Variants in MAGI1 observed in about 807,000 individuals in gnomAD.
The protein encoded by MAGI1 is membrane-associated guanylate kinase, WW and PDZ domain-containing protein 1.
Under a neutral mutation model 139.9 loss-of-function variants are expected in MAGI1, and 58 were observed. That is an observed-to-expected ratio of 0.41 (90% CI 0.34 to 0.52). The LOEUF is 0.52. MAGI1 is among the 20% of genes least tolerant of loss of function. The pLI, the probability that MAGI1 is intolerant of heterozygous loss-of-function variation, is 0.12. For synonymous variants in MAGI1, 812 were observed against 737.9 expected, an observed-to-expected ratio of 1.10 and a Z score of -1.63; for missense variants, 1,874 against 1,901.6, an observed-to-expected ratio of 0.99 and a Z score of 0.27.
chr3:65,484,698 G>A (rs926525525), intron 3 of MAGI1, among the ~76,000 whole-genome samples: 11 of 151,664 alleles, frequency 7.3e-5, no homozygotes, highest in Non-Finnish European at 1.5e-4. Flanking sequence ...CATGTAAACT[G>A]TGCCCCCTTC....
intron 1 of MAGI1, among the ~76,000 whole-genome samples, chr3:66,035,404 G>T (rs867287574): frequency 6.6e-6 from 1 of 152,196 alleles, no homozygotes; most frequent in East Asian, 1.9e-4. Context: ...TACCAAGTAT[G>T]AGCCTGCTTG....
chr3:66,016,450 G>A (rs1005650603), intron 1 of MAGI1, among the ~76,000 whole-genome samples: 2 of 152,108 alleles, frequency 1.3e-5, no homozygotes, highest in Non-Finnish European at 2.9e-5. Flanking sequence ...TGGAAGGGTC[G>A]ACTGGGTCAA....
chr3:65,702,845 C>A (rs9311952), intron 1 of MAGI1, among the ~76,000 whole-genome samples: 122,673 of 151,850 alleles, frequency 0.81, 49,689 homozygotes, highest in South Asian at 0.84. Context: ...ACACTTATCA[C>A]ATAAATAAAT....
At chr3:65,424,541 C>T (rs1946867514) in intron 12 of MAGI1, among the ~76,000 whole-genome samples, 1 of 152,144 alleles carries the variant, frequency 6.6e-6, no homozygotes, top group South Asian at 2.1e-4. Context: ...AGGACAATTT[C>T]ACTTCCATTA....
chr3:65,517,408 A>G (rs1361019970), intron 2 of MAGI1, among the ~76,000 whole-genome samples: 1 of 152,178 alleles, frequency 6.6e-6, no homozygotes, highest in Non-Finnish European at 1.5e-5. Context: ...CACAGCACAT[A>G]TCAACATCTC....
At chr3:65,948,299 G>C (rs1247583371) in intron 1 of MAGI1, among the ~76,000 whole-genome samples, 1 of 152,104 alleles carries the variant, frequency 6.6e-6, no homozygotes, top group East Asian at 1.9e-4. Context: ...CTCTGCCCTG[G>C]AATATTATAA....
intron 12 of MAGI1, among the ~76,000 whole-genome samples, chr3:65,412,732 A>G (rs1331627603): frequency 2.6e-5 from 4 of 152,022 alleles, no homozygotes; most frequent in Admixed American, 6.6e-5. Flanking sequence ...ACAGCTCTTG[A>G]TCCTTGGTCT....
At chr3:65,868,823 T>C (rs193299710) in intron 1 of MAGI1, among the ~76,000 whole-genome samples, 1 of 152,288 alleles carries the variant, frequency 6.6e-6, no homozygotes, top group African/African-American at 2.4e-5. Flanking sequence ...TTCAATACTT[T>C]GCATATTTTT....
chr3:65,524,144 A>C (rs1004885006), intron 2 of MAGI1, among the ~76,000 whole-genome samples: 3 of 152,188 alleles, frequency 2.0e-5, no homozygotes, highest in Admixed American at 1.3e-4. Flanking sequence ...GGTCTTTGGG[A>C]AAGTTTTGAC....
chr3:65,540,984 C>T (rs1196739209), intron 2 of MAGI1, among the ~76,000 whole-genome samples: 4 of 152,014 alleles, frequency 2.6e-5, no homozygotes, highest in Admixed American at 6.6e-5. Flanking sequence ...GTATCAAAAA[C>T]AATTTTTAAA....
chr3:65,558,629 A>G (rs2080199042), intron 2 of MAGI1, among the ~76,000 whole-genome samples: 1 of 152,212 alleles, frequency 6.6e-6, no homozygotes, highest in African/African-American at 2.4e-5. Context: ...CATGAGTTTT[A>G]GCCAACACTT....
intron 1 of MAGI1, among the ~76,000 whole-genome samples, chr3:65,742,775 C>CT (rs1190086021): frequency 1.3e-5 from 2 of 152,164 alleles, no homozygotes; most frequent in Middle Eastern, 3.2e-3. Flanking sequence ...AGCTGGTAAC[C>CT]TTCTCTTTCC....
At chr3:65,358,171 A>G (rs957678829) in intron 22 of MAGI1, among the ~76,000 whole-genome samples, 6 of 152,164 alleles carry the variant, frequency 3.9e-5, no homozygotes, top group Admixed American at 6.5e-5. Context: ...TCATTATTCA[A>G]TATTTGAAAT....
At chr3:65,970,471 A>G (rs13326772) in intron 1 of MAGI1, among the ~76,000 whole-genome samples, 23,443 of 151,764 alleles carry the variant, frequency 0.15, 1,937 homozygotes, top group East Asian at 0.26. Context: ...GTGTACATGC[A>G]AAAGTGGCTA....
At chr3:65,687,917 T>C (rs1484877540) in intron 1 of MAGI1, 2 of 674,288 alleles carry the variant, frequency 3.0e-6, no homozygotes, top group Admixed American at 1.8e-5. Context: ...TAGCAGCCAT[T>C]CGGCATGCCC....
chr3:65,980,569 A>AT (rs1164942614), intron 1 of MAGI1, among the ~76,000 whole-genome samples: 1 of 151,544 alleles, frequency 6.6e-6, no homozygotes, highest in Non-Finnish European at 1.5e-5. Flanking sequence ...CATCTCAAAA[A>AT]AAAAAAAAAA....
intron 1 of MAGI1, chr3:65,873,120 T>C (rs2059994135): frequency 6.6e-6 from 1 of 152,220 alleles, no homozygotes; most frequent in African/African-American, 2.4e-5. Flanking sequence ...TGCAGAAGTT[T>C]CCAAGGTTCT....
intron 1 of MAGI1, chr3:65,872,783 T>C (rs2108494229): frequency 6.6e-6 from 1 of 152,286 alleles, no homozygotes; most frequent in East Asian, 1.9e-4. Context: ...CTCCCAAACA[T>C]ACTGGACAAA....
chr3:66,020,089 C>T (rs1483807496), intron 1 of MAGI1, among the ~76,000 whole-genome samples: 1 of 152,180 alleles, frequency 6.6e-6, no homozygotes, highest in Non-Finnish European at 1.5e-5. Context: ...TCTCTCTCTC[C>T]CTGGCTGTGA....
Sources: allele counts gnomAD v4.1 joint callset (sites outside exome capture counted in the v4.1 genomes callset), GRCh38; gene constraint gnomAD v4.1.1; transcripts MANE v1.5; gene names NCBI Gene and HGNC (gene_info 2026-07-23, HGNC 2026-07-21).